ADAMTS19: variants seen among roughly 807,000 people sequenced by gnomAD.
ADAMTS19 encodes the protein A disintegrin and metalloproteinase with thrombospondin motifs 19.
ADAMTS19 carries 93 observed loss-of-function variants against 153.3 expected under a neutral mutation model. The ratio of observed to expected loss-of-function variants is 0.61; its 90% CI spans 0.51 to 0.72. ADAMTS19 has a LOEUF of 0.72. Ranked by LOEUF, ADAMTS19 falls within the 30% of genes least tolerant of loss-of-function variation. The pLI is 0.00. For synonymous variants in ADAMTS19, 600 were observed against 556.6 expected, an observed-to-expected ratio of 1.08 and a Z score of -1.10; for missense variants, 1,482 against 1,552.1, an observed-to-expected ratio of 0.95 and a Z score of 0.76.
intron 13 of ADAMTS19, among the ~76,000 whole-genome samples, chr5:129,652,918 T>C (rs1487798645): frequency 1.3e-5 from 2 of 152,146 alleles, no homozygotes; most frequent in Admixed American, 6.6e-5. Context: ...TAACCTACTT[T>C]GAGGTGTGAG....
intron 3 of ADAMTS19, among the ~76,000 whole-genome samples, chr5:129,517,131 G>T (rs371472792): frequency 6.6e-6 from 1 of 151,492 alleles, no homozygotes; most frequent in Non-Finnish European, 1.5e-5. Context: ...ATTCCATTTT[G>T]GTTAGAGAAG....
intron 10 of ADAMTS19, among the ~76,000 whole-genome samples, chr5:129,637,236 T>C (rs1752570206): frequency 6.6e-6 from 1 of 152,200 alleles, no homozygotes; most frequent in Non-Finnish European, 1.5e-5. Flanking sequence ...AATGTTAAAT[T>C]GCATCACATA....
chr5:129,712,307 G>A (rs32817), intron 21 of ADAMTS19, among the ~76,000 whole-genome samples: 17,510 of 152,068 alleles, frequency 0.12, 1,247 homozygotes, highest in South Asian at 0.19. Flanking sequence ...ATTTTAAAGC[G>A]TTTGGACATT....
chr5:129,497,207 T>C (rs577684537), intron 2 of ADAMTS19, among the ~76,000 whole-genome samples: 23 of 152,200 alleles, frequency 1.5e-4, no homozygotes, highest in African/African-American at 5.1e-4. Context: ...ATTCTGATTT[T>C]GTTTTTTGAA....
At chr5:129,624,836 T>G (rs1393439838) in intron 10 of ADAMTS19, among the ~76,000 whole-genome samples, 1 of 152,144 alleles carries the variant, frequency 6.6e-6, no homozygotes, top group Admixed American at 6.5e-5. Flanking sequence ...ATTTGACACT[T>G]TTTTCTTTTT....
At chr5:129,460,669 GT>G in intron 1 of ADAMTS19, 187 bp downstream of exon 1, 1 of 642,314 alleles carries the variant, frequency 1.6e-6, no homozygotes, top group Non-Finnish European at 2.7e-6. Flanking sequence ...TGCCGGCCTC[GT>G]TTTAACCGTA....
intron 7 of ADAMTS19, among the ~76,000 whole-genome samples, chr5:129,581,028 C>T (rs1021900541): frequency 6.6e-5 from 10 of 152,112 alleles, no homozygotes; most frequent in Non-Finnish European, 1.3e-4. Context: ...CCTCTTTGTA[C>T]CTCTGGTAGA....
At chr5:129,631,768 T>C (rs935786163) in intron 10 of ADAMTS19, among the ~76,000 whole-genome samples, 5 of 152,030 alleles carry the variant, frequency 3.3e-5, no homozygotes. Context: ...AGTATAAGCA[T>C]GTAGTTGTCT....
At chr5:129,577,630 C>T (rs1294640174) in intron 7 of ADAMTS19, among the ~76,000 whole-genome samples, 1 of 152,028 alleles carries the variant, frequency 6.6e-6, no homozygotes, top group East Asian at 1.9e-4. Context: ...TCAAGAGGTC[C>T]TAAGATGTAA....
At chr5:129,650,782 C>T (rs982131040) in intron 13 of ADAMTS19, among the ~76,000 whole-genome samples, 1 of 152,122 alleles carries the variant, frequency 6.6e-6, no homozygotes, top group Non-Finnish European at 1.5e-5. Flanking sequence ...AACTTCCCCT[C>T]AAGATCATAG....
At chr5:129,598,786 G>A (rs553503464) in intron 8 of ADAMTS19, among the ~76,000 whole-genome samples, 11 of 152,116 alleles carry the variant, frequency 7.2e-5, no homozygotes, top group South Asian at 2.1e-4. Flanking sequence ...GTTGTCCCTC[G>A]GTATTTGCCA....
intron 8 of ADAMTS19, among the ~76,000 whole-genome samples, chr5:129,618,642 T>C (rs887209830): frequency 6.6e-6 from 1 of 152,020 alleles, no homozygotes; most frequent in Non-Finnish European, 1.5e-5. Context: ...GTAATTTCCC[T>C]TAGCAATTTC....
intron 4 of ADAMTS19, among the ~76,000 whole-genome samples, chr5:129,527,169 T>C (rs1306737700): frequency 6.6e-6 from 1 of 151,902 alleles, no homozygotes; most frequent in African/African-American, 2.4e-5. Context: ...CTTAATTGTG[T>C]ACTCTGTTGG....
intron 20 of ADAMTS19, among the ~76,000 whole-genome samples, chr5:129,703,557 T>C (rs1039427698): frequency 6.6e-6 from 1 of 151,974 alleles, no homozygotes; most frequent in Admixed American, 6.6e-5. Context: ...ACATGGCAAA[T>C]CCTATCTCTA....
chr5:129,692,864 G>T (rs1320442440), intron 18 of ADAMTS19, among the ~76,000 whole-genome samples: 1 of 152,138 alleles, frequency 6.6e-6, no homozygotes, highest in Non-Finnish European at 1.5e-5. Flanking sequence ...GTACTGGTAG[G>T]AGGCACACCT....
chr5:129,691,431 A>G (rs929987759), intron 18 of ADAMTS19, among the ~76,000 whole-genome samples: 13 of 152,108 alleles, frequency 8.5e-5, no homozygotes. Flanking sequence ...GTTTGTCCCT[A>G]TGTGCCACAG....
intron 9 of ADAMTS19, among the ~76,000 whole-genome samples, 175 bp downstream of exon 9, chr5:129,620,933 A>G (rs1368011190): frequency 2.6e-5 from 4 of 152,130 alleles, no homozygotes; most frequent in Non-Finnish European, 5.9e-5. Context: ...CATGTTATTT[A>G]ACCCCCTGCT....
chr5:129,641,951 C>T lies in ADAMTS19; in HGVS notation c.1863C>T (p.Asp621=), dbSNP rs1437952836. The T allele has an allele frequency of 3.8e-6, 6 of 1,589,002 alleles. No homozygotes were observed. Among genetic ancestry groups the T allele is most frequent in the Non-Finnish European group, 4.3e-6 (5 of 1,164,608 alleles). ...LDPPMDGTDC[D]LGKWCKAGEC... ...CACCAATGGATGGAACTGACTGTGA[C>T]CTTGGTAAGGTAAGTCATTTGTGTT... The change falls in exon 11 of 23, where the codon GAC becomes GAT. Residue 621 remains aspartate, a synonymous_variant. Coordinates refer to ENST00000274487, the MANE Select transcript of ADAMTS19 (RefSeq NM_133638.6).
intron 16 of ADAMTS19, among the ~76,000 whole-genome samples, chr5:129,675,172 A>G (rs1754500090): frequency 6.6e-6 from 1 of 152,112 alleles, no homozygotes; most frequent in Non-Finnish European, 1.5e-5. Context: ...GGCACTTTCA[A>G]GATTGTTATT....
Sources: gnomAD v4.1 joint callset for allele counts (sites outside exome capture counted in the v4.1 genomes callset) on GRCh38, gnomAD v4.1.1 for gene constraint, MANE v1.5 for transcripts, NCBI Gene and HGNC (gene_info 2026-07-23, HGNC 2026-07-21) for gene names.